Variants in NPEPPS observed in about 807,000 individuals in gnomAD.
NPEPPS encodes puromycin-sensitive aminopeptidase.
Under a neutral mutation model 115.5 loss-of-function variants are expected in NPEPPS, and 14 were observed. The observed-to-expected ratio is 0.12, with a 90% confidence interval of 0.08 to 0.19. The LOEUF (loss-of-function observed/expected upper bound fraction) is 0.19. NPEPPS is among the 10% of genes least tolerant of loss of function. The probability of loss-of-function intolerance (pLI) is 1.00; values close to 1 mark genes in which losing one functional copy is unlikely to be tolerated. For missense variants in NPEPPS, 523 were observed against 1,110.8 expected (o/e 0.47, Z 7.52); for synonymous variants, 285 against 390.6 (o/e 0.73, Z 3.19).
intron 16 of NPEPPS, 64 bp downstream of exon 16, chr17:47,604,113 G>C: frequency 6.6e-7 from 1 of 1,515,966 alleles, no homozygotes; most frequent in Non-Finnish European, 9.0e-7. Flanking sequence ...GTTTTTCCTG[G>C]AGTGTCTGAA....
At chr17:47,583,948 T>TA (rs1912037527) in intron 5 of NPEPPS, among the ~76,000 whole-genome samples, 1 of 141,070 alleles carries the variant, frequency 7.1e-6, no homozygotes, top group Non-Finnish European at 1.5e-5. Context: ...AGGCCAGGCA[T>TA]GGTGGCTCAT....
intron 2 of NPEPPS, among the ~76,000 whole-genome samples, chr17:47,567,514 TC>T (rs1910900757): frequency 6.6e-6 from 1 of 152,232 alleles, no homozygotes; most frequent in Non-Finnish European, 1.5e-5. Context: ...TGTAGTACTT[TC>T]CTTTCTCCCC....
At chr17:47,562,951 A>T (rs1442370123) in intron 2 of NPEPPS, among the ~76,000 whole-genome samples, 1 of 151,664 alleles carries the variant, frequency 6.6e-6, no homozygotes, top group Non-Finnish European at 1.5e-5. Context: ...CATGAGTTGG[A>T]GCATTTTTTC....
intron 1 of NPEPPS, among the ~76,000 whole-genome samples, chr17:47,538,780 G>A (rs890143392): frequency 4.7e-5 from 7 of 150,088 alleles, no homozygotes; most frequent in Non-Finnish European, 7.4e-5. Context: ...CACCCGCCTC[G>A]GCCTCCCAAA....
chr17:47,585,438 G>A, intron 5 of NPEPPS, 62 bp from the exon 6 acceptor site: 1 of 1,193,726 alleles, frequency 8.4e-7, no homozygotes, highest in Admixed American at 1.8e-5. Context: ...TTTTTGGCTG[G>A]TATTTGCTCT....
At chr17:47,614,884 G>A (rs1478520192) in intron 19 of NPEPPS, among the ~76,000 whole-genome samples, 6 of 152,154 alleles carry the variant, frequency 3.9e-5, no homozygotes, top group Non-Finnish European at 8.8e-5. Flanking sequence ...CTGACTTACA[G>A]GGAGTTCATG....
chr17:47,619,591 T>A, intron 21 of NPEPPS, 146 bp from the exon 22 acceptor site: 2 of 706,790 alleles, frequency 2.8e-6, no homozygotes, highest in Non-Finnish European at 2.5e-6. Context: ...TTACTGGCTT[T>A]ATTTAAGGAC....
chr17:47,547,853 C>T (rs1184612766), intron 2 of NPEPPS, among the ~76,000 whole-genome samples: 6 of 151,946 alleles, frequency 3.9e-5, no homozygotes, highest in Non-Finnish European at 5.9e-5. Flanking sequence ...GGCGAAACCC[C>T]GTCTCTACTA....
intron 12 of NPEPPS, among the ~76,000 whole-genome samples, chr17:47,593,264 C>T (rs1912627073): frequency 6.6e-6 from 1 of 152,098 alleles, no homozygotes; most frequent in African/African-American, 2.4e-5. Context: ...AGTATTTTGC[C>T]AACTTAAAGA....
intron 15 of NPEPPS, 188 bp downstream of exon 15, chr17:47,601,935 G>A (rs1597880256): frequency 1.7e-6 from 1 of 577,734 alleles, no homozygotes. Flanking sequence ...GGTAGTGGTA[G>A]AGAAGCAGAT....
At chr17:47,555,614 T>C (rs1909951434) in intron 2 of NPEPPS, among the ~76,000 whole-genome samples, 1 of 151,800 alleles carries the variant, frequency 6.6e-6, no homozygotes, top group Non-Finnish European at 1.5e-5. Flanking sequence ...CCCGCAGTGC[T>C]GGGATTACAG....
intron 1 of NPEPPS, among the ~76,000 whole-genome samples, chr17:47,532,764 C>T (rs2143655082): frequency 6.6e-6 from 1 of 150,982 alleles, no homozygotes; most frequent in East Asian, 2.0e-4. Context: ...GTGAATCATA[C>T]TCCACTCCCT....
At chr17:47,582,719 A>G (rs757808124) in intron 4 of NPEPPS, 23 bp from the exon 5 acceptor site, 161 of 748,628 alleles carry the variant, frequency 2.2e-4, no homozygotes, top group Non-Finnish European at 3.4e-4. Flanking sequence ...TAAGGTATTT[A>G]TATTTCATAT....
At position 47,621,983 on chromosome 17, in the gene NPEPPS, A is replaced by G; in HGVS notation, c.*63A>G. 6.8e-7 allele frequency: 1 copy of G among 1,480,894 alleles called. No homozygotes were observed. Among genetic ancestry groups the G allele is most frequent in the East Asian group, 2.5e-5 (1 of 40,432 alleles). 91.7% of individuals were successfully genotyped at this position (1,480,894 alleles called of 1,614,324 possible). ...CTGCAGGGATAAGGTGGAGCTACCG[A>G]ACAGCTGATTCATATGCCAAGAATT... On this transcript the variant is annotated 3_prime_UTR_variant, in exon 23 of 23. Transcript: ENST00000322157.
intron 13 of NPEPPS, 71 bp from the exon 14 acceptor site, chr17:47,599,605 C>A: frequency 8.3e-7 from 1 of 1,200,032 alleles, no homozygotes; most frequent in Non-Finnish European, 1.2e-6. Context: ...TTGTCTCCCT[C>A]CTCTTCAAAA....
At chr17:47,594,080 G>C (rs985346652) in intron 12 of NPEPPS, among the ~76,000 whole-genome samples, 2 of 152,062 alleles carry the variant, frequency 1.3e-5, no homozygotes, top group African/African-American at 4.8e-5. Flanking sequence ...ACTTGAGCCT[G>C]GGAGGTCAAA....
chr17:47,595,058 G>A (rs1912776816), intron 12 of NPEPPS, among the ~76,000 whole-genome samples: 1 of 152,088 alleles, frequency 6.6e-6, no homozygotes, highest in South Asian at 2.1e-4. Context: ...AGCCTCCCAA[G>A]TAGCTGGGAT....
intron 2 of NPEPPS, among the ~76,000 whole-genome samples, chr17:47,563,062 C>T (rs1402486318): frequency 1.3e-5 from 2 of 148,716 alleles, no homozygotes; most frequent in Non-Finnish European, 1.5e-5. Flanking sequence ...GATGGAGTCT[C>T]GCTCTCTCAG....
At chr17:47,590,504 T>C (rs1912437335) in intron 9 of NPEPPS, among the ~76,000 whole-genome samples, 1 of 151,852 alleles carries the variant, frequency 6.6e-6, no homozygotes, top group African/African-American at 2.4e-5. Flanking sequence ...CCCTCAGATA[T>C]AATTCTCATA....
Sources: gnomAD v4.1 joint callset for allele counts (sites outside exome capture counted in the v4.1 genomes callset) on GRCh38, gnomAD v4.1.1 for gene constraint, MANE v1.5 for transcripts, NCBI Gene and HGNC (gene_info 2026-07-23, HGNC 2026-07-21) for gene names.